The following FIRRM variants were observed in gnomAD, a reference collection of about 807,000 sequenced individuals.
FIRRM encodes FIGNL1-interacting regulator of recombination and mitosis.
At chr1:169,792,849 G>A in the FIRRM span, 2 of 1,613,744 alleles carry the variant, frequency 1.2e-6, no homozygotes, top group African/African-American at 1.3e-5. Context: ...TTTACAAAAA[G>A]TTTTTCACTA....
At chr1:169,843,662 T>C in the FIRRM span, 4 of 1,584,196 alleles carry the variant, frequency 2.5e-6, no homozygotes, top group Non-Finnish European at 2.6e-6. Flanking sequence ...AAAATTACTT[T>C]GTGTTTCTTA....
the FIRRM span, among the ~76,000 whole-genome samples, chr1:169,805,168 C>G: frequency 6.6e-6 from 1 of 152,322 alleles, no homozygotes; most frequent in Non-Finnish European, 1.5e-5. Flanking sequence ...CTGCAACACA[C>G]CACCTCAAAA....
At chr1:169,833,509 AT>A in the FIRRM span, among the ~76,000 whole-genome samples, 1 of 152,146 alleles carries the variant, frequency 6.6e-6, no homozygotes, top group African/African-American at 2.4e-5. Flanking sequence ...GAAGATATGT[AT>A]AACTATTTTG....
the FIRRM span, chr1:169,842,474 A>T: frequency 6.2e-7 from 1 of 1,614,022 alleles, no homozygotes; most frequent in Non-Finnish European, 8.5e-7. Flanking sequence ...AGCTTTGGAT[A>T]CAGGAAAACA....
At chr1:169,785,722 T>C in the FIRRM span, among the ~76,000 whole-genome samples, 1 of 152,112 alleles carries the variant, frequency 6.6e-6, no homozygotes, top group African/African-American at 2.4e-5. Context: ...GGGAACTTTT[T>C]AGGTGCAAAA....
At chr1:169,830,966 A>G in the FIRRM span, among the ~76,000 whole-genome samples, 3 of 152,230 alleles carry the variant, frequency 2.0e-5, no homozygotes, top group Admixed American at 2.0e-4. Flanking sequence ...TCAGGATTTT[A>G]TGTAATTTCA....
At chr1:169,819,348 G>T in the FIRRM span, among the ~76,000 whole-genome samples, 1 of 152,202 alleles carries the variant, frequency 6.6e-6, no homozygotes, top group Admixed American at 6.5e-5. Context: ...TGATCCAAAT[G>T]TGCAAAGATC....
chr1:169,809,513 A>G, the FIRRM span, among the ~76,000 whole-genome samples: 2 of 152,228 alleles, frequency 1.3e-5, no homozygotes, highest in Non-Finnish European at 2.9e-5. Context: ...TACTTGGACC[A>G]AGAGTAAGAT....
chr1:169,821,826 T>G, the FIRRM span: 2 of 1,040,250 alleles, frequency 1.9e-6, no homozygotes. Context: ...ATTATCCCTA[T>G]TCCACAGAAT....
chr1:169,839,834 T>G, the FIRRM span, among the ~76,000 whole-genome samples: 1 of 152,198 alleles, frequency 6.6e-6, no homozygotes, highest in Non-Finnish European at 1.5e-5. Flanking sequence ...CCTAGGTTTT[T>G]TCCTAGGATT....
the FIRRM span, chr1:169,850,641 C>G: frequency 4.5e-4 from 100 of 222,774 alleles, no homozygotes; most frequent in African/African-American, 1.9e-3. Flanking sequence ...ACTAAAAATA[C>G]AAAAATTAGC....
chr1:169,851,562 A>T, the FIRRM span: 2 of 466,774 alleles, frequency 4.3e-6, no homozygotes, highest in Non-Finnish European at 7.6e-6. Flanking sequence ...CCAGTTTCTT[A>T]GCTTATACAG....
chr1:169,840,845 T>C, the FIRRM span, among the ~76,000 whole-genome samples: 5 of 152,124 alleles, frequency 3.3e-5, no homozygotes, highest in East Asian at 1.9e-4. Context: ...TTGAATGTTA[T>C]TGGTGTATAG....
chr1:169,824,179 G>C, the FIRRM span, among the ~76,000 whole-genome samples: 2 of 152,128 alleles, frequency 1.3e-5, no homozygotes, highest in Non-Finnish European at 1.5e-5. Flanking sequence ...GCAATTAAGA[G>C]AGCTGCTGTA....
chr1:169,792,538 C>T, the FIRRM span: 1 of 1,449,458 alleles, frequency 6.9e-7, no homozygotes, highest in Non-Finnish European at 9.1e-7. Context: ...ATTTTTGGTC[C>T]TTCTGTTTAT....
the FIRRM span, among the ~76,000 whole-genome samples, chr1:169,822,555 A>G: frequency 1.3e-5 from 2 of 152,114 alleles, no homozygotes; most frequent in Non-Finnish European, 2.9e-5. Context: ...GCTGGAGTGC[A>G]ATGGCGTGAT....
the FIRRM span, chr1:169,853,931 A>AAAGT: frequency 7.5e-6 from 6 of 794,822 alleles, no homozygotes; most frequent in African/African-American, 8.8e-5. Context: ...AGAAAGTTGA[A>AAAGT]AAGTAGGATT....
chr1:169,804,000 T>C, the FIRRM span: 6 of 917,644 alleles, frequency 6.5e-6, no homozygotes. Context: ...TGATCTCTAA[T>C]AGTATGAATT....
the FIRRM span, among the ~76,000 whole-genome samples, chr1:169,842,254 G>C: frequency 6.6e-6 from 1 of 151,782 alleles, no homozygotes; most frequent in South Asian, 2.1e-4. Flanking sequence ...ATATATACTT[G>C]TGTTAAATAG....
Sources: allele counts gnomAD v4.1 joint callset (sites outside exome capture counted in the v4.1 genomes callset), GRCh38; gene constraint gnomAD v4.1.1; transcripts MANE v1.5; gene names NCBI Gene and HGNC (gene_info 2026-07-23, HGNC 2026-07-21).